Variants in SEPTIN11 observed in about 807,000 individuals in gnomAD.
SEPTIN11 encodes the protein septin-11.
SEPTIN11 carries 25 observed loss-of-function variants against 51.4 expected under a neutral mutation model. The ratio of observed to expected loss-of-function variants is 0.49; its 90% CI spans 0.35 to 0.68. The LOEUF is 0.68. Among genes scored for constraint, SEPTIN11 ranks in the 30% least tolerant of loss-of-function variants. The probability of loss-of-function intolerance (pLI) is 0.00; values close to 1 mark genes in which losing one functional copy is unlikely to be tolerated. For missense variants in SEPTIN11, 381 were observed against 520.8 expected, an observed-to-expected ratio of 0.73 and a Z score of 2.61; for synonymous variants, 174 against 184.1, an observed-to-expected ratio of 0.95 and a Z score of 0.44.
In SEPTIN11 at chr4:77,024,170, G is replaced by A. The variant is rs1216731791; in HGVS notation, c.953+3500G>A. Among the ~76,000 whole-genome samples the A allele has an allele frequency of 3.3e-5, 5 of 152,138 alleles. No individual in the cohort carries two copies. Among genetic ancestry groups the A allele is most frequent in the Non-Finnish European group, 7.3e-5 (5 of 68,030 alleles). On this transcript the variant is annotated intron_variant, in intron 7 of 9. Coordinates refer to ENST00000264893, the MANE Select transcript of SEPTIN11 (RefSeq NM_018243.4). This position sits in a 1 kb window ranked among gnomAD's most constrained non-coding sequence, Gnocchi z 4.2. The stretch of plus-strand genomic sequence containing the variant: ...GGAGGAGTAGCGCGCGCACAGAAAC[G>A]CCGTATTCAAGCCTTGGCAGCACAC...
At position 77,019,182 on chromosome 4, in the gene SEPTIN11, A is replaced by G. The variant is rs142373878; in HGVS notation, c.705A>G (p.Ala235=). The G allele has an allele frequency of 2.1e-5, 34 of 1,613,338 alleles. No individual in the cohort carries two copies. The African/African-American group carries it at 4.3e-4, about 20-fold the overall frequency. ...CTTGGCAGGTCCATCTCCCATTTGCAGTGGTTGGCAGCACCGAAGAGGTGA... is the reference window on the plus strand; with the variant it reads ...CTTGGCAGGTCCATCTCCCATTTGCGGTGGTTGGCAGCACCGAAGAGGTGA... ...NATMSVHLPF[A]VVGSTEEVKI... The change falls in exon 6 of 10, where the codon GCA becomes GCG. Residue 235 remains alanine, a synonymous_variant. Transcript: ENST00000264893.
At chr4:77,001,755 GGTT>G (rs1227990132) in intron 2 of SEPTIN11, among the ~76,000 whole-genome samples, 1 of 152,168 alleles carries the variant, frequency 6.6e-6, no homozygotes. Context: ...ATGGTTGTTT[GGTT>G]TGAATTGGAA....
At chr4:76,991,216 C>G (rs901606707) in intron 1 of SEPTIN11, among the ~76,000 whole-genome samples, 3 of 152,222 alleles carry the variant, frequency 2.0e-5, no homozygotes, top group Admixed American at 1.3e-4. Context: ...GCTAGGCACT[C>G]TCATCCATAC....
chr4:77,020,386 C>T, intron 6 of SEPTIN11, 116 bp from the exon 7 acceptor site: 1 of 1,278,720 alleles, frequency 7.8e-7, no homozygotes, highest in South Asian at 1.4e-5. Flanking sequence ...TTCAGATGGT[C>T]TTGAGACCCC....
intron 3 of SEPTIN11, 69 bp from the exon 4 acceptor site, chr4:77,011,666 T>A: frequency 7.0e-7 from 1 of 1,429,076 alleles, no homozygotes; most frequent in Non-Finnish European, 9.8e-7. Context: ...GAAGCCATTG[T>A]GATGTTGAAT....
At chr4:77,013,635 G>C (rs1030053426) in intron 4 of SEPTIN11, among the ~76,000 whole-genome samples, 2 of 152,226 alleles carry the variant, frequency 1.3e-5, no homozygotes, top group African/African-American at 4.8e-5. Context: ...CAACTTGCTG[G>C]AGGAAGCCCA....
intron 1 of SEPTIN11, among the ~76,000 whole-genome samples, chr4:76,953,216 G>C (rs531130124): frequency 1.3e-5 from 2 of 152,310 alleles, no homozygotes; most frequent in East Asian, 1.9e-4. Context: ...TTAAGCACCT[G>C]CTATGTGTCA....
intron 7 of SEPTIN11, among the ~76,000 whole-genome samples, chr4:77,023,284 A>G (rs1725858739): frequency 6.8e-6 from 1 of 147,860 alleles, no homozygotes. Context: ...ACACACACAC[A>G]CACACACACA....
intron 1 of SEPTIN11, among the ~76,000 whole-genome samples, chr4:76,971,778 A>C (rs1442277842): frequency 6.6e-6 from 1 of 152,188 alleles, no homozygotes; most frequent in African/African-American, 2.4e-5. Flanking sequence ...AAAGGAAACC[A>C]CTTTAAAATA....
chr4:76,971,442 T>A (rs1214452530), intron 1 of SEPTIN11, among the ~76,000 whole-genome samples: 1 of 151,696 alleles, frequency 6.6e-6, no homozygotes, highest in Middle Eastern at 3.2e-3. Context: ...TGGAGAGGTT[T>A]TTTTTTTTAG....
intron 3 of SEPTIN11, among the ~76,000 whole-genome samples, chr4:77,011,409 GTC>G (rs1724855643): frequency 6.6e-6 from 1 of 152,058 alleles, no homozygotes; most frequent in African/African-American, 2.4e-5. Context: ...CGTATGTACA[GTC>G]TCTGTTTTAG....
chr4:77,006,291 C>A (rs1276573325), intron 3 of SEPTIN11, among the ~76,000 whole-genome samples: 1 of 152,084 alleles, frequency 6.6e-6, no homozygotes, highest in Non-Finnish European at 1.5e-5. Context: ...TAAAATAGTA[C>A]ACTGAGTTTT....
chr4:77,028,666 C>T lies in SEPTIN11; in HGVS notation c.991C>T (p.Leu331=). 6.2e-7 allele frequency: 1 copy of T among 1,612,178 alleles called. No individual in the cohort carries two copies. The highest frequency in any genetic ancestry group is 8.5e-7 in the Non-Finnish European group (1 of 1,179,200). Residue 331 remains leucine, a synonymous_variant, in exon 8 of 10, where the codon CTG becomes TTG. Transcript: ENST00000264893. ...ETYEAKRNEF[L]GELQKKEEEM... ...ATATGAAGCAAAAAGGAATGAATTC[C>T]TGGGAGAACTGCAGAAGAAAGAAGA...
intron 5 of SEPTIN11, among the ~76,000 whole-genome samples, chr4:77,018,212 A>C (rs1457138681): frequency 6.6e-6 from 1 of 152,110 alleles, no homozygotes; most frequent in Non-Finnish European, 1.5e-5. Flanking sequence ...GCACTTTCGG[A>C]GGCCAAGGCG....
chr4:76,981,145 A>G (rs1722751879), intron 1 of SEPTIN11, among the ~76,000 whole-genome samples: 1 of 152,214 alleles, frequency 6.6e-6, no homozygotes, highest in South Asian at 2.1e-4. Flanking sequence ...ATATTTTATC[A>G]TCTCTTTTTG....
chr4:77,035,358 C>T lies in SEPTIN11; in HGVS notation c.*846C>T. 4 of 985,438 alleles carry T rather than the reference C, an allele frequency of 4.1e-6. No individual in the cohort carries two copies. The highest frequency in any genetic ancestry group is 4.8e-6 in the Non-Finnish European group (4 of 829,926). The allele number at this position is 985,438 out of a possible 1,614,324, so 61.0% of individuals were successfully genotyped here. On this transcript the variant is annotated 3_prime_UTR_variant, in exon 10 of 10. Coordinates refer to ENST00000264893, the MANE Select transcript of SEPTIN11 (RefSeq NM_018243.4). ...AACAGTAAGGAATCTTTCATAAACA[C>T]ACCTCAGTTTGTTCCCAGTGGGCTT...
chr4:76,974,073 G>T (rs576562096), intron 1 of SEPTIN11, among the ~76,000 whole-genome samples: 2 of 152,220 alleles, frequency 1.3e-5, no homozygotes, highest in East Asian at 3.9e-4. Flanking sequence ...TCTGGCTTTG[G>T]ATCTATGCTT....
intron 1 of SEPTIN11, among the ~76,000 whole-genome samples, chr4:76,962,949 C>T (rs1212173056): frequency 1.3e-5 from 2 of 152,130 alleles, no homozygotes; most frequent in Non-Finnish European, 2.9e-5. Flanking sequence ...CCACTTAGTT[C>T]CTGGATTTTT....
At chr4:76,983,832 A>T (rs1722892490) in intron 1 of SEPTIN11, among the ~76,000 whole-genome samples, 2 of 152,006 alleles carry the variant, frequency 1.3e-5, no homozygotes, top group South Asian at 2.1e-4. Context: ...ACGTGGTGAA[A>T]CCCCGTGTCT....
Sources: allele counts gnomAD v4.1 joint callset (sites outside exome capture counted in the v4.1 genomes callset), GRCh38; gene constraint gnomAD v4.1.1; non-coding constraint Gnocchi (gnomAD v3.1); transcripts MANE v1.5; gene names NCBI Gene and HGNC (gene_info 2026-07-23, HGNC 2026-07-21).